The following KIAA1217 variants were observed in gnomAD, a reference collection of about 807,000 sequenced individuals.
KIAA1217 encodes sickle tail protein homolog.
In KIAA1217, 88 loss-of-function variants were observed where a neutral mutation model predicts 163.9. The observed-to-expected ratio is 0.54, with a 90% CI of 0.45 to 0.64. The LOEUF (loss-of-function observed/expected upper bound fraction) is 0.64. Ranked by LOEUF, KIAA1217 falls within the 30% of genes least tolerant of loss-of-function variation. The pLI is 0.00. For missense variants in KIAA1217, 2,372 were observed against 2,475.0 expected (o/e 0.96, Z 0.88); for synonymous variants, 903 against 923.1 (o/e 0.98, Z 0.39).
intron 2 of KIAA1217, among the ~76,000 whole-genome samples, chr10:24,118,795 A>T (rs2063163940): frequency 6.6e-6 from 1 of 152,094 alleles, no homozygotes; most frequent in African/African-American, 2.4e-5. Context: ...AAGATTTCTC[A>T]AAGATTTGTC....
At chr10:23,871,853 C>A (rs1379980916) in intron 1 of KIAA1217, among the ~76,000 whole-genome samples, 1 of 152,036 alleles carries the variant, frequency 6.6e-6, no homozygotes, top group Non-Finnish European at 1.5e-5. Context: ...GCATCACCAA[C>A]GTGTCATTTC....
chr10:24,408,406 T>C (rs1312375328), intron 3 of KIAA1217, among the ~76,000 whole-genome samples: 1 of 152,184 alleles, frequency 6.6e-6, no homozygotes, highest in African/African-American at 2.4e-5. Flanking sequence ...ACTTGTGCAG[T>C]AGCCACCTAA....
chr10:23,996,414 T>C (rs1398449968), intron 1 of KIAA1217, among the ~76,000 whole-genome samples: 17 of 152,172 alleles, frequency 1.1e-4, no homozygotes. Flanking sequence ...ACTGGGCCGG[T>C]AATTCCTTGT....
intron 2 of KIAA1217, among the ~76,000 whole-genome samples, chr10:24,177,417 C>G (rs923225136): frequency 6.7e-6 from 1 of 148,482 alleles, no homozygotes; most frequent in African/African-American, 2.5e-5. Context: ...ACTCATTGAT[C>G]AGTGGGCATT....
intron 9 of KIAA1217, 94 bp downstream of exon 9, chr10:24,501,639 G>A (rs2067600676): frequency 1.9e-6 from 2 of 1,055,780 alleles, no homozygotes; most frequent in Admixed American, 4.6e-5. Context: ...AGAGAATGTA[G>A]AACCATAGAA....
chr10:24,146,025 T>C (rs1433833223), intron 2 of KIAA1217, among the ~76,000 whole-genome samples: 1 of 152,146 alleles, frequency 6.6e-6, no homozygotes, highest in Non-Finnish European at 1.5e-5. Context: ...TTCAATCCAA[T>C]CAAGTTGACA....
chr10:24,376,065 A>G (rs955109360), intron 2 of KIAA1217, among the ~76,000 whole-genome samples: 8 of 152,236 alleles, frequency 5.3e-5, no homozygotes, highest in Admixed American at 1.3e-4. Flanking sequence ...AGAACAGTGC[A>G]CTTGGTGAAC....
intron 1 of KIAA1217, among the ~76,000 whole-genome samples, chr10:23,801,580 G>C (rs1294295835): frequency 6.6e-6 from 1 of 152,180 alleles, no homozygotes; most frequent in Non-Finnish European, 1.5e-5. Context: ...CAGCATTTCT[G>C]AACATTTTTG....
intron 1 of KIAA1217, among the ~76,000 whole-genome samples, chr10:23,750,174 A>G (rs1030085721): frequency 6.6e-6 from 1 of 152,184 alleles, no homozygotes; most frequent in African/African-American, 2.4e-5. Flanking sequence ...CCAATTTAAT[A>G]TCCAAACTGT....
intron 2 of KIAA1217, among the ~76,000 whole-genome samples, chr10:24,046,882 C>T (rs1011363045): frequency 6.6e-6 from 1 of 152,170 alleles, no homozygotes; most frequent in African/African-American, 2.4e-5. Flanking sequence ...CACCTTTCTA[C>T]ACAAAAAAGC....
chr10:23,766,587 C>CTTTTTTT (rs766892555), intron 1 of KIAA1217, among the ~76,000 whole-genome samples: 13 of 133,754 alleles, frequency 9.7e-5, no homozygotes, highest in East Asian at 2.1e-4. Context: ...TTCTTTCTTT[C>CTTTTTTT]TTTTTTCTTT....
intron 1 of KIAA1217, among the ~76,000 whole-genome samples, chr10:23,849,786 A>C (rs1202119763): frequency 6.6e-6 from 1 of 152,074 alleles, no homozygotes; most frequent in Non-Finnish European, 1.5e-5. Context: ...GAACTGGTCA[A>C]AAGACTTTCT....
rs1011968748 is a variant in KIAA1217 at position 23,940,243 on chromosome 10, T to C, written c.-320-66982T>C. On this transcript the variant is annotated intron_variant, in intron 1 of 18. Coordinates refer to the KIAA1217 transcript ENST00000376462. The stretch of plus-strand genomic sequence containing the variant: ...GGGAGGCCAAGGCGGGTGGATCACC[T>C]GACATCAGGAGTTCGAGACCAGTCG... Among the ~76,000 whole-genome samples, 8 of 151,670 alleles carry C rather than the reference T, an allele frequency of 5.3e-5. No individual in the cohort carries two copies. The East Asian group carries it at 1.4e-3, about 26-fold the overall frequency.
chr10:24,008,206 ATTAT>A (rs1441872154), intron 2 of KIAA1217, among the ~76,000 whole-genome samples: 22 of 146,038 alleles, frequency 1.5e-4, no homozygotes, highest in Non-Finnish European at 1.1e-4. Flanking sequence ...AGATAGATAG[ATTAT>A]TTATCTTGTC....
intron 5 of KIAA1217, among the ~76,000 whole-genome samples, chr10:24,446,535 G>A (rs1172951654): frequency 6.6e-6 from 1 of 152,190 alleles, no homozygotes; most frequent in Non-Finnish European, 1.5e-5. Context: ...GATTCAGGGA[G>A]TATCAAGTCA....
At chr10:23,870,501 A>T (rs1456113792) in intron 1 of KIAA1217, among the ~76,000 whole-genome samples, 1 of 152,088 alleles carries the variant, frequency 6.6e-6, no homozygotes, top group Non-Finnish European at 1.5e-5. Flanking sequence ...GAAATTGACA[A>T]GGCAACAATA....
At chr10:23,958,553 C>A (rs1288594290) in intron 1 of KIAA1217, among the ~76,000 whole-genome samples, 1 of 152,134 alleles carries the variant, frequency 6.6e-6, no homozygotes, top group African/African-American at 2.4e-5. Flanking sequence ...ATATTGAAAT[C>A]AAATGCACAT....
chr10:23,946,259 C>A, intron 1 of KIAA1217, among the ~76,000 whole-genome samples: 2 of 127,774 alleles, frequency 1.6e-5, no homozygotes. Context: ...TCCAATGTCT[C>A]TTCCGTTTAA....
intron 1 of KIAA1217, among the ~76,000 whole-genome samples, chr10:23,864,083 T>TATC (rs1378737651): frequency 6.6e-6 from 1 of 151,008 alleles, no homozygotes; most frequent in Non-Finnish European, 1.5e-5. Flanking sequence ...TTATTATTAT[T>TATC]ATTATTATTA....
Sources: gnomAD v4.1 joint callset for allele counts (sites outside exome capture counted in the v4.1 genomes callset) on GRCh38, gnomAD v4.1.1 for gene constraint, MANE v1.5 for transcripts, NCBI Gene and HGNC (gene_info 2026-07-23, HGNC 2026-07-21) for gene names.